The following TMEM135 variants were observed in gnomAD, a reference collection of about 807,000 sequenced individuals.
TMEM135 encodes peroxisomal membrane protein 52.
In TMEM135, 30 loss-of-function variants were observed where a neutral mutation model predicts 60.3. The observed-to-expected ratio is 0.50, with a 90% CI of 0.37 to 0.68. TMEM135 has a LOEUF of 0.68. Among genes scored for constraint, TMEM135 ranks in the 30% least tolerant of loss-of-function variants. The pLI is 0.00. For synonymous variants in TMEM135, 190 were observed against 186.7 expected (o/e 1.02, Z -0.14); for missense variants, 468 against 548.8 (o/e 0.85, Z 1.47).
At chr11:87,167,232 A>T (rs1390731655) in intron 5 of TMEM135, among the ~76,000 whole-genome samples, 1 of 152,186 alleles carries the variant, frequency 6.6e-6, no homozygotes, top group Non-Finnish European at 1.5e-5. Context: ...TTCTAAATAT[A>T]CAATTATGTC....
intron 5 of TMEM135, among the ~76,000 whole-genome samples, chr11:87,182,059 G>T (rs901556450): frequency 2.0e-5 from 3 of 151,288 alleles, no homozygotes; most frequent in Non-Finnish European, 4.4e-5. Flanking sequence ...AAAAGCATTT[G>T]CCAAAACTAA....
rs1257154419 is a variant in TMEM135 at position 87,119,802 on chromosome 11, A to G, written c.396+28407A>G. The stretch of plus-strand genomic sequence containing the variant: ...TAGGAGAATTACCAAAATGTGATTC[A>G]GAGACAAAGTGAGCACATGCTCTTG... On this transcript the variant is annotated intron_variant, in intron 4 of 14. Coordinates refer to ENST00000305494, the MANE Select transcript of TMEM135 (RefSeq NM_022918.4). Among the ~76,000 whole-genome samples, 3 of 152,272 alleles carry G rather than the reference A, an allele frequency of 2.0e-5. No individual in the cohort carries two copies. In the East Asian group the frequency reaches 5.8e-4, roughly 29 times the overall value.
intron 5 of TMEM135, among the ~76,000 whole-genome samples, chr11:87,158,327 T>C (rs1280105709): frequency 1.3e-5 from 2 of 152,132 alleles, no homozygotes; most frequent in African/African-American, 4.8e-5. Context: ...ATCTAAGGAG[T>C]TAAACAGAAT....
At chr11:87,216,436 G>T (rs574781994) in intron 5 of TMEM135, among the ~76,000 whole-genome samples, 1 of 151,976 alleles carries the variant, frequency 6.6e-6, no homozygotes, top group Admixed American at 6.6e-5. Context: ...ATGTGTTGAC[G>T]TAGTGTTTTC....
At chr11:87,183,332 G>A (rs963154739) in intron 5 of TMEM135, among the ~76,000 whole-genome samples, 4 of 151,114 alleles carry the variant, frequency 2.6e-5, no homozygotes, top group African/African-American at 7.3e-5. Context: ...TAGTAGTGAC[G>A]GGGTTTCACC....
intron 6 of TMEM135, among the ~76,000 whole-genome samples, chr11:87,276,495 A>G (rs1041641513): frequency 7.0e-6 from 1 of 143,080 alleles, no homozygotes; most frequent in African/African-American, 2.5e-5. Flanking sequence ...GTACATTACT[A>G]TCAAAAGTTT....
rs1485795120 is a variant in TMEM135 at position 87,323,727 on chromosome 11, G to A, written c.*2394G>A. 4 of 453,590 alleles carry A rather than the reference G, an allele frequency of 8.8e-6. No individual in the cohort carries two copies. Among genetic ancestry groups the A allele is most frequent in the South Asian group, 4.7e-5 (3 of 64,310 alleles). The allele number at this position is 453,590 out of a possible 1,614,324, so 28.1% of individuals were successfully genotyped here. On this transcript the variant is annotated 3_prime_UTR_variant, in exon 15 of 15. Transcript: ENST00000305494. ...TTTTAATAAAATCCTAGAACTAGTA[G>A]CAACCGAGTAAAGATTGAGTTTGCA...
At chr11:87,301,286 C>T (rs886556100) in intron 7 of TMEM135, among the ~76,000 whole-genome samples, 2 of 151,840 alleles carry the variant, frequency 1.3e-5, no homozygotes, top group African/African-American at 2.4e-5. Flanking sequence ...CAGGGTCATA[C>T]TGTATTGCCT....
intron 6 of TMEM135, among the ~76,000 whole-genome samples, chr11:87,268,910 G>A (rs1941806539): frequency 1.3e-5 from 2 of 152,068 alleles, no homozygotes; most frequent in South Asian, 4.1e-4. Context: ...TGCTTAAGAT[G>A]CCTATCCTAG....
chr11:87,178,956 T>A (rs989907861), intron 5 of TMEM135, among the ~76,000 whole-genome samples: 5 of 147,596 alleles, frequency 3.4e-5, no homozygotes, highest in Admixed American at 2.7e-4. Context: ...ATAAGAATAA[T>A]GCTTAAAAAA....
chr11:87,255,437 CAT>C (rs1941507191), intron 6 of TMEM135, among the ~76,000 whole-genome samples: 1 of 152,150 alleles, frequency 6.6e-6, no homozygotes, highest in Non-Finnish European at 1.5e-5. Flanking sequence ...TCTTTCTGGA[CAT>C]GTTTTATCAT....
At chr11:87,124,080 T>G (rs1298182282) in intron 4 of TMEM135, among the ~76,000 whole-genome samples, 1 of 152,230 alleles carries the variant, frequency 6.6e-6, no homozygotes, top group African/African-American at 2.4e-5. Context: ...CTATAATCCT[T>G]AATCTCTTGT....
chr11:87,311,171 G>C (rs183895713), intron 10 of TMEM135, among the ~76,000 whole-genome samples: 1 of 151,334 alleles, frequency 6.6e-6, no homozygotes, highest in Non-Finnish European at 1.5e-5. Flanking sequence ...GAAAATTAAT[G>C]ATGGGAAAAC....
chr11:87,297,065 G>A (rs1417578250), intron 7 of TMEM135, among the ~76,000 whole-genome samples: 3 of 152,218 alleles, frequency 2.0e-5, no homozygotes, highest in Admixed American at 1.3e-4. Flanking sequence ...TGGTCTGGCC[G>A]CAGTATTTGA....
At chr11:87,186,092 A>G (rs1321652572) in intron 5 of TMEM135, among the ~76,000 whole-genome samples, 1 of 152,126 alleles carries the variant, frequency 6.6e-6, no homozygotes, top group Non-Finnish European at 1.5e-5. Context: ...TTTTTAGTGG[A>G]GACGGGGTTT....
At chr11:87,275,510 T>C (rs1254725727) in intron 6 of TMEM135, among the ~76,000 whole-genome samples, 3 of 152,062 alleles carry the variant, frequency 2.0e-5, no homozygotes, top group Non-Finnish European at 4.4e-5. Flanking sequence ...TATATCACCC[T>C]GTGTATTAAG....
At chr11:87,215,003 T>C (rs1359629506) in intron 5 of TMEM135, among the ~76,000 whole-genome samples, 7 of 152,192 alleles carry the variant, frequency 4.6e-5, no homozygotes, top group African/African-American at 1.4e-4. Flanking sequence ...GAATTTGTTA[T>C]TTGGTAATGC....
chr11:87,192,244 C>T (rs1201400021), intron 5 of TMEM135, among the ~76,000 whole-genome samples: 1 of 151,614 alleles, frequency 6.6e-6, no homozygotes, highest in Non-Finnish European at 1.5e-5. Flanking sequence ...CCAACTTGGC[C>T]TCCCAAAGTG....
chr11:87,264,322 G>A (rs7130877), intron 6 of TMEM135, among the ~76,000 whole-genome samples: 2 of 111,948 alleles, frequency 1.8e-5, no homozygotes, highest in Admixed American at 8.7e-5. Context: ...CTTTTTTTTT[G>A]TTGTTTGTTT....
Sources: gnomAD v4.1 joint callset for allele counts (sites outside exome capture counted in the v4.1 genomes callset) on GRCh38, gnomAD v4.1.1 for gene constraint, MANE v1.5 for transcripts, NCBI Gene and HGNC (gene_info 2026-07-23, HGNC 2026-07-21) for gene names.